Variants in WWOX observed in about 807,000 individuals in gnomAD.
WWOX encodes WW domain-containing oxidoreductase.
Under a neutral mutation model 46.2 loss-of-function variants are expected in WWOX, and 69 were observed. The ratio of observed to expected loss-of-function variants is 1.49; its 90% confidence interval spans 1.23 to 1.82. WWOX has a LOEUF of 1.82. WWOX is among the 40% of genes most tolerant of loss of function. WWOX has a pLI of 0.00. For missense variants in WWOX, 919 were observed against 542.6 expected, an observed-to-expected ratio of 1.69 and a Z score of -6.89; for synonymous variants, 359 against 202.6, an observed-to-expected ratio of 1.77 and a Z score of -6.56.
At chr16:78,809,640 C>G (rs138506435) in intron 8 of WWOX, among the ~76,000 whole-genome samples, 77 of 152,244 alleles carry the variant, frequency 5.1e-4, no homozygotes, top group African/African-American at 1.7e-3. Context: ...ACCTAGTACA[C>G]AGGGGCCCCC....
rs60862470 is a variant in WWOX at position 78,771,773 on chromosome 16, CAATAAATAAATA to C, written c.1056+339051_1056+339062del. The stretch of plus-strand genomic sequence containing the variant: ...GGCAACAGAGTAAGACTCTGTCTCA[CAATAAATAAATA>C]AATAAATAAATAAATAAATAAATAA... On this transcript the variant is annotated intron_variant, in intron 8 of 8. Transcript: ENST00000566780. 5.0e-3 allele frequency among the ~76,000 whole-genome samples: 725 copies of C among 144,476 alleles called. 2 individuals are homozygous for C. The highest frequency in any genetic ancestry group is 0.014 in the African/African-American group (554 of 39,014). The allele number at this position is 144,476 out of a possible 152,430, so 94.8% of individuals were successfully genotyped here.
intron 8 of WWOX, among the ~76,000 whole-genome samples, chr16:78,684,637 G>T (rs909893699): frequency 1.3e-5 from 2 of 152,300 alleles, no homozygotes; most frequent in Admixed American, 1.3e-4. Context: ...CCTGCTAATG[G>T]CTGAGAAAGG....
intron 1 of WWOX, among the ~76,000 whole-genome samples, chr16:78,106,886 C>T (rs998140017): frequency 6.6e-6 from 1 of 152,118 alleles, no homozygotes; most frequent in Non-Finnish European, 1.5e-5. Context: ...TGGCAGTAGC[C>T]CTGAGGAGAC....
Position 78,315,905 on chromosome 16 carries a change from G to A in WWOX, c.517-70955G>A, listed in dbSNP as rs151242791. On this transcript the variant is annotated intron_variant, in intron 5 of 8. Coordinates refer to ENST00000566780, the MANE Select transcript of WWOX (RefSeq NM_016373.4). The stretch of plus-strand genomic sequence containing the variant: ...GTATCTGTATTTAACTACTCTCCTC[G>A]TGTTGAATATTTATCAGGTTTCTCG... 3.2e-4 allele frequency among the ~76,000 whole-genome samples: 49 copies of A among 152,110 alleles called. No individual in the cohort carries two copies. The East Asian group carries it at 5.8e-3, about 18-fold the overall frequency.
At chr16:78,118,666 T>G (rs1234049685) in intron 4 of WWOX, among the ~76,000 whole-genome samples, 2 of 152,182 alleles carry the variant, frequency 1.3e-5, no homozygotes, top group Non-Finnish European at 2.9e-5. Flanking sequence ...CGCAAAACTG[T>G]AAATATTTAC....
At chr16:78,513,904 C>CG (rs1414446332) in intron 8 of WWOX, among the ~76,000 whole-genome samples, 38 of 150,142 alleles carry the variant, frequency 2.5e-4, no homozygotes, top group African/African-American at 8.7e-4. Context: ...TCCCCCCCCC[C>CG]CCACTTGTAT....
At chr16:78,703,615 T>C (rs1035773503) in intron 8 of WWOX, among the ~76,000 whole-genome samples, 1 of 151,656 alleles carries the variant, frequency 6.6e-6, no homozygotes. Context: ...TGAGATGCTG[T>C]TTTGTTTTTG....
intron 8 of WWOX, among the ~76,000 whole-genome samples, chr16:78,685,324 A>G (rs1271892347): frequency 6.6e-6 from 1 of 152,122 alleles, no homozygotes; most frequent in Non-Finnish European, 1.5e-5. Context: ...TCTGCAGCCT[A>G]ATAACTTTCA....
intron 8 of WWOX, among the ~76,000 whole-genome samples, chr16:78,857,840 A>G (rs1323578029): frequency 6.6e-6 from 1 of 152,216 alleles, no homozygotes; most frequent in Non-Finnish European, 1.5e-5. Flanking sequence ...TTTGAAGAAC[A>G]AGTTGGCATT....
intron 5 of WWOX, among the ~76,000 whole-genome samples, chr16:78,327,502 T>C (rs991669108): frequency 2.6e-5 from 4 of 152,180 alleles, no homozygotes; most frequent in Admixed American, 2.6e-4. Flanking sequence ...AGCTCTATCA[T>C]GCTTGTAGAA....
chr16:79,051,518 C>T (rs2048166699), intron 8 of WWOX, among the ~76,000 whole-genome samples: 1 of 123,874 alleles, frequency 8.1e-6, no homozygotes. Context: ...AACTCAGTCA[C>T]ATGACCATGG....
intron 3 of WWOX, among the ~76,000 whole-genome samples, chr16:78,111,006 AT>A (rs112868043): frequency 0.024 from 3,498 of 146,584 alleles, 122 homozygotes; most frequent in African/African-American, 0.075. Flanking sequence ...TTGAGCAGGA[AT>A]TTTTTTTTTT....
chr16:79,159,215 C>G (rs1045967897), intron 8 of WWOX, among the ~76,000 whole-genome samples: 2 of 152,208 alleles, frequency 1.3e-5, no homozygotes, highest in African/African-American at 4.8e-5. Flanking sequence ...AGACTAATCT[C>G]AATTACCAGG....
intron 8 of WWOX, among the ~76,000 whole-genome samples, chr16:78,774,496 T>TTGTGTGTGTGTG (rs58003207): frequency 1.4e-4 from 21 of 149,422 alleles, no homozygotes; most frequent in Admixed American, 1.3e-4. Flanking sequence ...CAGACCCATT[T>TTGTGTGTGTGTG]TGTGTGTGTG....
chr16:78,556,712 A>G (rs982768469), intron 8 of WWOX, among the ~76,000 whole-genome samples: 2 of 151,864 alleles, frequency 1.3e-5, no homozygotes, highest in African/African-American at 4.8e-5. Context: ...CACATTTTTT[A>G]TTTATTTTAT....
At chr16:78,385,384 A>T (rs528324208) in intron 5 of WWOX, among the ~76,000 whole-genome samples, 32 of 152,276 alleles carry the variant, frequency 2.1e-4, no homozygotes, top group Middle Eastern at 3.4e-3. Flanking sequence ...AATTAATTAG[A>T]TAATTTGTCT....
At chr16:78,939,820 C>G (rs1006726584) in intron 8 of WWOX, among the ~76,000 whole-genome samples, 1 of 152,164 alleles carries the variant, frequency 6.6e-6, no homozygotes, top group Non-Finnish European at 1.5e-5. Flanking sequence ...TTCCGTCATC[C>G]TTCATCAAGG....
At chr16:78,597,089 T>G (rs550205321) in intron 8 of WWOX, among the ~76,000 whole-genome samples, 1 of 152,332 alleles carries the variant, frequency 6.6e-6, no homozygotes, top group Non-Finnish European at 1.5e-5. Flanking sequence ...GCTTACGACC[T>G]GGGTGCTAGT....
chr16:78,369,601 T>C (rs2081619265), intron 5 of WWOX, among the ~76,000 whole-genome samples: 1 of 151,998 alleles, frequency 6.6e-6, no homozygotes, highest in Non-Finnish European at 1.5e-5. Context: ...CATTAATGTC[T>C]GGGCAAAACT....
Sources: gnomAD v4.1 joint callset for allele counts (sites outside exome capture counted in the v4.1 genomes callset) on GRCh38, gnomAD v4.1.1 for gene constraint, MANE v1.5 for transcripts, NCBI Gene and HGNC (gene_info 2026-07-23, HGNC 2026-07-21) for gene names.